The following DCBLD2 variants were observed in gnomAD, a reference collection of about 807,000 sequenced individuals.
DCBLD2 encodes the protein discoidin, CUB and LCCL domain containing 2.
DCBLD2 carries 54 observed loss-of-function variants against 86.8 expected under a neutral mutation model. The observed-to-expected ratio is 0.62, with a 90% CI of 0.50 to 0.78. The LOEUF (loss-of-function observed/expected upper bound fraction) is 0.78, where lower values mean the gene tolerates loss of function less well. Ranked by LOEUF, DCBLD2 falls within the 30% of genes least tolerant of loss-of-function variation. The pLI is 0.00. For synonymous variants in DCBLD2, 354 were observed against 341.3 expected (o/e 1.04, Z -0.41); for missense variants, 908 against 954.2 (o/e 0.95, Z 0.64).
rs1317079960 is a variant in DCBLD2, at chr3:98,825,643, T to TTTTATATATA, written c.572-278_572-277insTATATATAAA. 1.1e-4 allele frequency among the ~76,000 whole-genome samples: 13 copies of TTTTATATATA among 115,088 alleles called. No individual in the cohort carries two copies. The South Asian group carries it at 1.9e-3, about 17-fold the overall frequency. 75.5% of individuals were successfully genotyped at this position (115,088 alleles called of 152,430 possible). On this transcript the variant is annotated intron_variant, in intron 3 of 15. Coordinates refer to ENST00000326840, the MANE Select transcript of DCBLD2 (RefSeq NM_080927.4). The stretch of plus-strand genomic sequence containing the variant: ...TACACACATATATGTATATGTGTAT[T>TTTTATATATA]TATATATATATATATATATATATAT...
chr3:98,856,449 C>T (rs1942932746), intron 2 of DCBLD2, among the ~76,000 whole-genome samples: 1 of 152,052 alleles, frequency 6.6e-6, no homozygotes, highest in African/African-American at 2.4e-5. Flanking sequence ...CTGCAAACTG[C>T]CAGCCCTATC....
chr3:98,892,206 T>C (rs1576207646), intron 1 of DCBLD2, among the ~76,000 whole-genome samples: 1 of 152,126 alleles, frequency 6.6e-6, no homozygotes, highest in South Asian at 2.1e-4. Context: ...CTAACCAGTA[T>C]ACTGGTGAGG....
chr3:98,894,123 G>A (rs1943710482), intron 1 of DCBLD2, among the ~76,000 whole-genome samples: 1 of 152,164 alleles, frequency 6.6e-6, no homozygotes, highest in South Asian at 2.1e-4. Context: ...GTTGAGAAGA[G>A]ATAACCAAAC....
Position 98,817,878 on chromosome 3 carries a change from C to A in DCBLD2, c.1103G>T (p.Gly368Val). 1 of 1,613,328 alleles carries A rather than the reference C, an allele frequency of 6.2e-7. No homozygotes were observed. Residue 368 changes from glycine (G) to valine (V), a missense_variant, in exon 9 of 16, where the codon GGA becomes GTA. Transcript: ENST00000326840. ...GTAATTGTGCTCCACCATGGTGGAT[C>A]CAGTGGTTATAATGCCTGGGGAATG... ...EKKITGIITT[G>V]STMVEHNYYV... is the part of the protein sequence containing the mutation.
At chr3:98,860,484 G>A (rs1943020330) in intron 2 of DCBLD2, among the ~76,000 whole-genome samples, 1 of 152,154 alleles carries the variant, frequency 6.6e-6, no homozygotes, top group Admixed American at 6.5e-5. Context: ...GAAAGGTTGG[G>A]TTACCCACGA....
intron 13 of DCBLD2, among the ~76,000 whole-genome samples, chr3:98,805,857 T>C (rs1247224462): frequency 6.6e-6 from 1 of 152,170 alleles, no homozygotes; most frequent in Non-Finnish European, 1.5e-5. Context: ...CCCTGTGCTT[T>C]AATAACAGTG....
intron 1 of DCBLD2, among the ~76,000 whole-genome samples, chr3:98,883,294 C>G (rs1943504378): frequency 6.6e-6 from 1 of 152,162 alleles, no homozygotes; most frequent in Non-Finnish European, 1.5e-5. Flanking sequence ...CTACAAGGCA[C>G]TCCTTCTTGA....
At position 98,851,211 on chromosome 3, in the gene DCBLD2, A is replaced by C. The variant is rs557552144; in HGVS notation, c.434-1613T>G. 2.0e-5 allele frequency among the ~76,000 whole-genome samples: 3 copies of C among 152,354 alleles called. No homozygotes were observed. The East Asian group carries it at 5.8e-4, about 29-fold the overall frequency. The stretch of plus-strand genomic sequence containing the variant: ...TTAGAAAACCCCATTGTCTCAGCCC[A>C]AAATCTCCTTAAGCTGATAGACAAC... On this transcript the variant is annotated intron_variant, in intron 2 of 15. Coordinates refer to ENST00000326840, the MANE Select transcript of DCBLD2 (RefSeq NM_080927.4).
In DCBLD2 at chr3:98,901,161, CAAGT is replaced by C; in HGVS notation, c.162_165del (p.Leu55SerfsTer22). 1 of 1,538,472 alleles carries C rather than the reference CAAGT, an allele frequency of 6.5e-7. No homozygotes were observed. Among genetic ancestry groups the C allele is most frequent in the Non-Finnish European group, 8.7e-7 (1 of 1,146,726 alleles). ...GCGTCCTCGAGCAGCAGGAGCAGGA[CAAGT>C]AAGAGCAGGAGGAACAGAGGCATGG... On this transcript the variant is annotated frameshift_variant, in exon 1 of 16. Transcript: ENST00000326840. LOFTEE classifies it high-confidence loss of function.
intron 9 of DCBLD2, chr3:98,814,062 A>G (rs1941983757): frequency 6.6e-6 from 1 of 152,202 alleles, no homozygotes; most frequent in South Asian, 2.1e-4. Flanking sequence ...TTTTTTTCTA[A>G]TCAGCTAAGA....
intron 1 of DCBLD2, among the ~76,000 whole-genome samples, chr3:98,884,316 T>C (rs959951067): frequency 2.0e-5 from 3 of 151,660 alleles, no homozygotes; most frequent in African/African-American, 7.3e-5. Context: ...CAAAAATATA[T>C]AAGGGCAGAA....
In DCBLD2 at chr3:98,799,101, A is replaced by T; in HGVS notation, c.*271T>A. 1 of 317,996 alleles carries T rather than the reference A, an allele frequency of 3.1e-6. No homozygotes were observed. 19.7% of individuals were successfully genotyped at this position (317,996 alleles called of 1,614,324 possible). On this transcript the variant is annotated 3_prime_UTR_variant, in exon 16 of 16. Transcript: ENST00000326840. ...GTGATTTTTAATTTCTCTGAAGTGC[A>T]TTATAGGGAGCTTTTTCTGTATTAA...
chr3:98,846,941 C>A (rs1258269760), intron 3 of DCBLD2, among the ~76,000 whole-genome samples: 3 of 151,790 alleles, frequency 2.0e-5, no homozygotes, highest in Non-Finnish European at 1.5e-5. Flanking sequence ...CAGAGAAAAG[C>A]AAAAATATGA....
intron 13 of DCBLD2, among the ~76,000 whole-genome samples, chr3:98,803,707 G>T (rs1163732017): frequency 2.0e-5 from 3 of 152,172 alleles, no homozygotes; most frequent in Non-Finnish European, 4.4e-5. Flanking sequence ...TTATTATTTT[G>T]GGATACGTCC....
intron 3 of DCBLD2, among the ~76,000 whole-genome samples, chr3:98,840,150 A>C (rs1387017028): frequency 6.6e-6 from 1 of 152,248 alleles, no homozygotes; most frequent in Non-Finnish European, 1.5e-5. Flanking sequence ...AATTCAGAGT[A>C]GATTGAAGGG....
At chr3:98,879,924 C>T (rs1356408555) in intron 2 of DCBLD2, among the ~76,000 whole-genome samples, 1 of 152,198 alleles carries the variant, frequency 6.6e-6, no homozygotes, top group Non-Finnish European at 1.5e-5. Flanking sequence ...GTTCACTTTT[C>T]CTCACTGTTG....
At chr3:98,815,807 G>C (rs1458672214) in intron 9 of DCBLD2, 1 of 151,970 alleles carries the variant, frequency 6.6e-6, no homozygotes, top group Non-Finnish European at 1.5e-5. Context: ...CAGAAGAATA[G>C]ATTAGTGAAC....
At chr3:98,822,417 A>C (rs1942139428) in intron 5 of DCBLD2, 56 bp from the exon 6 acceptor site, 1 of 1,562,704 alleles carries the variant, frequency 6.4e-7, no homozygotes, top group East Asian at 2.3e-5. Context: ...TAATTCATAA[A>C]CAAGACACTC....
At chr3:98,842,674 T>C (rs1415122483) in intron 3 of DCBLD2, among the ~76,000 whole-genome samples, 3 of 152,252 alleles carry the variant, frequency 2.0e-5, no homozygotes, top group East Asian at 1.9e-4. Context: ...TGCTTTCCTA[T>C]GGATGATATA....
Sources: gnomAD v4.1 joint callset for allele counts (sites outside exome capture counted in the v4.1 genomes callset) on GRCh38, gnomAD v4.1.1 for gene constraint, MANE v1.5 for transcripts, NCBI Gene and HGNC (gene_info 2026-07-23, HGNC 2026-07-21) for gene names.